The following CACHD1 variants were observed in gnomAD, a reference collection of about 807,000 sequenced individuals.
CACHD1 encodes VWFA and cache domain-containing protein 1.
Under a neutral mutation model 138.7 loss-of-function variants are expected in CACHD1, and 71 were observed. That is an observed-to-expected ratio of 0.51 (90% CI 0.42 to 0.62). CACHD1 has a LOEUF of 0.62. CACHD1 is among the 20% of genes least tolerant of loss of function. CACHD1 has a pLI of 0.00. For missense variants in CACHD1, 1,389 were observed against 1,625.3 expected, an observed-to-expected ratio of 0.85 and a Z score of 2.50; for synonymous variants, 578 against 591.5, an observed-to-expected ratio of 0.98 and a Z score of 0.33.
intron 4 of CACHD1, among the ~76,000 whole-genome samples, chr1:64,610,363 G>T (rs1570414619): frequency 6.6e-6 from 1 of 152,302 alleles, no homozygotes; most frequent in African/African-American, 2.4e-5. Context: ...AGTCTCATCT[G>T]AGACAAGGCA....
chr1:64,602,629 C>T (rs1557514459), intron 3 of CACHD1, among the ~76,000 whole-genome samples, 177 bp from the exon 4 acceptor site: 1 of 152,100 alleles, frequency 6.6e-6, no homozygotes, highest in Non-Finnish European at 1.5e-5. Flanking sequence ...CTTCTAGAGG[C>T]AGGTGTTCCC....
intron 1 of CACHD1, among the ~76,000 whole-genome samples, chr1:64,524,888 C>G (rs1646525109): frequency 6.6e-6 from 1 of 152,162 alleles, no homozygotes; most frequent in Non-Finnish European, 1.5e-5. Flanking sequence ...TAATATAGCA[C>G]TCCCATGTAT....
intron 26 of CACHD1, among the ~76,000 whole-genome samples, chr1:64,688,131 C>T (rs1650425714): frequency 6.6e-6 from 1 of 151,684 alleles, no homozygotes; most frequent in Admixed American, 6.6e-5. Context: ...GAAGGGCCAC[C>T]ATGAATCTAA....
intron 4 of CACHD1, among the ~76,000 whole-genome samples, chr1:64,619,617 G>A (rs1647835903): frequency 6.6e-6 from 1 of 152,154 alleles, no homozygotes; most frequent in South Asian, 2.1e-4. Flanking sequence ...AGGCACTGGA[G>A]GTCGGATCTA....
At chr1:64,546,486 G>A (rs1335865066) in intron 1 of CACHD1, among the ~76,000 whole-genome samples, 1 of 151,626 alleles carries the variant, frequency 6.6e-6, no homozygotes, top group African/African-American at 2.4e-5. Flanking sequence ...CGTGGGTGCC[G>A]TCACACCCGG....
At chr1:64,598,242 T>C (rs964485130) in intron 3 of CACHD1, among the ~76,000 whole-genome samples, 1 of 152,182 alleles carries the variant, frequency 6.6e-6, no homozygotes, top group African/African-American at 2.4e-5. Context: ...AAGCCCCTAT[T>C]GACACCTCCT....
rs371057197 is a variant in CACHD1 at position 64,539,988 on chromosome 1, A to T, written c.199-10606A>T. ...ATTCCTAATTTCTCTTTCCAACTAA[A>T]GGGTGAGTTTCTTAAGGGTATGGGA... is the stretch of plus-strand genomic sequence containing the variant. On this transcript the variant is annotated intron_variant, in intron 1 of 26. Coordinates refer to ENST00000651257, the MANE Select transcript of CACHD1 (RefSeq NM_020925.4). Among the ~76,000 whole-genome samples, 17 of 152,276 alleles carry T rather than the reference A, an allele frequency of 1.1e-4. No homozygotes were observed. In the East Asian group the frequency reaches 2.9e-3, roughly 26 times the overall value.
chr1:64,593,256 A>C (rs1379901126), intron 3 of CACHD1, among the ~76,000 whole-genome samples: 5 of 152,184 alleles, frequency 3.3e-5, no homozygotes, highest in Non-Finnish European at 7.3e-5. Flanking sequence ...TGAGATGTCT[A>C]CTTTTAATGT....
rs1054285301 is a variant in CACHD1, at chr1:64,570,492, G to A, written c.262-11664G>A. ...TCACATCCGCTGACATGCATGTCAG[G>A]CCTACCATGGCACCAGCCTCTAAAG... On this transcript the variant is annotated intron_variant, in intron 2 of 26. Transcript: ENST00000651257. Among the ~76,000 whole-genome samples the A allele has an allele frequency of 2.6e-5, 4 of 152,072 alleles. No individual in the cohort carries two copies. The East Asian group carries it at 7.8e-4, about 29-fold the overall frequency.
At chr1:64,475,183 T>TTTTG (rs1646167747) in intron 1 of CACHD1, among the ~76,000 whole-genome samples, 1 of 149,750 alleles carries the variant, frequency 6.7e-6, no homozygotes, top group Non-Finnish European at 1.5e-5. Flanking sequence ...TTTTTTTTTT[T>TTTTG]TTTTTTTCTT....
chr1:64,685,089 G>A (rs560224882), intron 26 of CACHD1, among the ~76,000 whole-genome samples: 18 of 152,288 alleles, frequency 1.2e-4, no homozygotes, highest in Admixed American at 5.2e-4. Context: ...GATTACAGGC[G>A]TGAGCCACTG....
chr1:64,566,050 C>G (rs1646878127), intron 2 of CACHD1, among the ~76,000 whole-genome samples: 1 of 152,202 alleles, frequency 6.6e-6, no homozygotes, highest in African/African-American at 2.4e-5. Context: ...AATGATACCT[C>G]TCAGGGAGGG....
At chr1:64,657,170 A>G (rs1051043200) in intron 12 of CACHD1, among the ~76,000 whole-genome samples, 1 of 152,180 alleles carries the variant, frequency 6.6e-6, no homozygotes, top group Non-Finnish European at 1.5e-5. Flanking sequence ...CATGTTACAC[A>G]GGCCTGCTTC....
chr1:64,573,901 C>T (rs1646946059), intron 2 of CACHD1, among the ~76,000 whole-genome samples: 2 of 152,166 alleles, frequency 1.3e-5, no homozygotes, highest in African/African-American at 4.8e-5. Context: ...TAAACATAAT[C>T]AGCAATCAAT....
At chr1:64,558,148 ACT>A (rs1197486631) in intron 2 of CACHD1, among the ~76,000 whole-genome samples, 1 of 151,824 alleles carries the variant, frequency 6.6e-6, no homozygotes, top group Non-Finnish European at 1.5e-5. Context: ...CCACAAATCT[ACT>A]CTCTTTAAGA....
At chr1:64,477,225 G>A (rs929261842) in intron 1 of CACHD1, among the ~76,000 whole-genome samples, 1 of 152,142 alleles carries the variant, frequency 6.6e-6, no homozygotes, top group African/African-American at 2.4e-5. Flanking sequence ...TTAGTGCCAG[G>A]GCACAGAACC....
intron 17 of CACHD1, 55 bp from the exon 18 acceptor site, chr1:64,673,103 T>TG (rs1553145992): frequency 1.5e-5 from 18 of 1,174,582 alleles, no homozygotes; most frequent in Middle Eastern, 2.8e-4. Flanking sequence ...TGAATACGTT[T>TG]GAAAAAAAAA....
At chr1:64,688,920 A>AGAAGAGCCCC (rs1650452994) in intron 26 of CACHD1, among the ~76,000 whole-genome samples, 2 of 152,104 alleles carry the variant, frequency 1.3e-5, no homozygotes, top group Non-Finnish European at 2.9e-5. Flanking sequence ...GGTCTACCCA[A>AGAAGAGCCCC]TTGTCACCTC....
At chr1:64,682,673 A>G (rs1482971894) in intron 26 of CACHD1, among the ~76,000 whole-genome samples, 1 of 152,192 alleles carries the variant, frequency 6.6e-6, no homozygotes, top group Non-Finnish European at 1.5e-5. Context: ...GATGCTCAGG[A>G]AGGGTCAAGG....
Sources: allele counts gnomAD v4.1 joint callset (sites outside exome capture counted in the v4.1 genomes callset), GRCh38; gene constraint gnomAD v4.1.1; transcripts MANE v1.5; gene names NCBI Gene and HGNC (gene_info 2026-07-23, HGNC 2026-07-21).